The following AMBP variants were observed in gnomAD, a reference collection of about 807,000 sequenced individuals.
AMBP encodes alpha-1-microglobulin/bikunin precursor.
A neutral mutation model predicts 46.3 loss-of-function variants in AMBP; 37 were observed. The observed-to-expected ratio is 0.80, with a 90% CI of 0.61 to 1.05. AMBP has a LOEUF of 1.05. Among genes scored for constraint, AMBP ranks in the 50% least tolerant of loss-of-function variants. The pLI is 0.00. For synonymous variants in AMBP, 174 were observed against 175.9 expected (o/e 0.99, Z 0.09); for missense variants, 475 against 461.2 (o/e 1.03, Z -0.27).
intron 6 of AMBP, among the ~76,000 whole-genome samples, chr9:114,067,161 G>A (rs1003443927): frequency 2.0e-5 from 3 of 152,022 alleles, no homozygotes; most frequent in Admixed American, 6.6e-5. Flanking sequence ...GGATGGTCTC[G>A]ATCTCCTGAC....
intron 4 of AMBP, among the ~76,000 whole-genome samples, chr9:114,073,807 T>C (rs1846771942): frequency 6.6e-6 from 1 of 152,154 alleles, no homozygotes; most frequent in Non-Finnish European, 1.5e-5. Context: ...TCCCCACTGG[T>C]TCTTTTAAGG....
chr9:114,064,039 C>T (rs533295865), intron 6 of AMBP, among the ~76,000 whole-genome samples: 1 of 152,316 alleles, frequency 6.6e-6, no homozygotes, highest in Non-Finnish European at 1.5e-5. Context: ...TGGTGGCCCT[C>T]AGAGTAAGTG....
At chr9:114,076,475 T>G (rs1846808988) in intron 2 of AMBP, 123 bp downstream of exon 2, 1 of 1,400,068 alleles carries the variant, frequency 7.1e-7, no homozygotes, top group Non-Finnish European at 9.6e-7. Flanking sequence ...TAGAGGGATC[T>G]GGGGTTCAGC....
intron 5 of AMBP, 105 bp from the exon 6 acceptor site, chr9:114,069,850 G>T (rs780269187): frequency 2.5e-6 from 3 of 1,223,946 alleles, no homozygotes; most frequent in East Asian, 2.3e-5. Context: ...GGAACTTGTC[G>T]TGCCTTAGTC....
chr9:114,077,280 C>G (rs568945493), intron 1 of AMBP, among the ~76,000 whole-genome samples: 1 of 152,202 alleles, frequency 6.6e-6, no homozygotes, highest in Non-Finnish European at 1.5e-5. Flanking sequence ...ACACCCTTTG[C>G]GTCCCAGACT....
intron 2 of AMBP, among the ~76,000 whole-genome samples, chr9:114,075,932 G>A (rs1472325892): frequency 1.3e-4 from 20 of 152,160 alleles, no homozygotes; most frequent in Non-Finnish European, 2.9e-5. Flanking sequence ...AGAACTGAAA[G>A]CAGGTTCACG....
intron 1 of AMBP, 22 bp downstream of exon 1, chr9:114,078,071 C>T (rs558648772): frequency 2.4e-5 from 39 of 1,613,456 alleles, no homozygotes; most frequent in Non-Finnish European, 3.1e-5. Context: ...ATCCACCCTA[C>T]CACAGAGAGC....
intron 2 of AMBP, among the ~76,000 whole-genome samples, chr9:114,075,662 T>C (rs1472835114): frequency 6.6e-6 from 1 of 152,156 alleles, no homozygotes. Context: ...GAGCTTGCAA[T>C]TGCGTGGGTC....
At chr9:114,064,260 G>C (rs949367307) in intron 6 of AMBP, among the ~76,000 whole-genome samples, 3 of 151,996 alleles carry the variant, frequency 2.0e-5, no homozygotes, top group African/African-American at 7.3e-5. Context: ...CAATTAAGAA[G>C]GGAATCTAAA....
chr9:114,061,896 TTGA>T (rs987685280), intron 7 of AMBP, among the ~76,000 whole-genome samples: 2 of 152,076 alleles, frequency 1.3e-5, no homozygotes, highest in African/African-American at 4.8e-5. Flanking sequence ...GTAATAGTAG[TTGA>T]TGACATATGT....
At chr9:114,067,078 C>A (rs1226890872) in intron 6 of AMBP, among the ~76,000 whole-genome samples, 2 of 152,060 alleles carry the variant, frequency 1.3e-5, no homozygotes, top group African/African-American at 4.8e-5. Flanking sequence ...GTAGCTGGGA[C>A]TACAGGCCTC....
In AMBP at chr9:114,060,235, G is replaced by C. The variant is rs982035836; in HGVS notation, c.*4C>G. 39 of 1,612,836 alleles carry C rather than the reference G, an allele frequency of 2.4e-5. No individual in the cohort carries two copies. Among genetic ancestry groups the C allele is most frequent in the Non-Finnish European group, 3.1e-5 (36 of 1,179,578 alleles). ...CATCCTCTGACTTGCAGACCGGCCA[G>C]TTGTCAGTTGGAGAAGCGCAGCAGC... On this transcript the variant is annotated 3_prime_UTR_variant, in exon 10 of 10. Transcript: ENST00000265132.
intron 6 of AMBP, among the ~76,000 whole-genome samples, chr9:114,066,374 C>T (rs1373070777): frequency 3.3e-5 from 1 of 30,604 alleles, no homozygotes; most frequent in Non-Finnish European, 6.4e-5. Flanking sequence ...CATTTATGTG[C>T]ACGTGTGTGT....
chr9:114,073,037 G>A lies in AMBP; in HGVS notation c.455-11C>T, dbSNP rs757039083. On this transcript the variant is annotated splice_polypyrimidine_tract_variant and intron_variant, in intron 4 of 9. Transcript: ENST00000265132. ...GCTGCGGCGCCCGCCCTGCAAGGAG[G>A]AAGCAGAGGAGACGCCTAGAACCAC... 38 of 1,610,624 alleles carry A rather than the reference G, an allele frequency of 2.4e-5. No individual in the cohort carries two copies. Among genetic ancestry groups the A allele is most frequent in the Non-Finnish European group, 3.2e-5 (38 of 1,178,334 alleles).
intron 5 of AMBP, 102 bp from the exon 6 acceptor site, chr9:114,069,847 G>C (rs1846726535): frequency 7.9e-7 from 1 of 1,262,904 alleles, no homozygotes; most frequent in South Asian, 1.2e-5. Context: ...CTGGGAACTT[G>C]TCGTGCCTTA....
Position 114,060,911 on chromosome 9 carries a change from G to A in AMBP, c.1027+14C>T, listed in dbSNP as rs1370611508. 6.2e-7 allele frequency: 1 copy of A among 1,610,666 alleles called. No individual in the cohort carries two copies. Among genetic ancestry groups the A allele is most frequent in the Admixed American group, 1.7e-5 (1 of 59,816 alleles). On this transcript the variant is annotated intron_variant, in intron 9 of 9. Transcript: ENST00000265132. Reference sequence around the variant, plus strand: ...GCCCCTCGGCCCAGCCTGGCACCCTGCAGGGCTGCCTACCATCACCAGGGA... The same window carrying A: ...GCCCCTCGGCCCAGCCTGGCACCCTACAGGGCTGCCTACCATCACCAGGGA...
chr9:114,067,929 T>C (rs1322173579), intron 6 of AMBP, among the ~76,000 whole-genome samples: 1 of 151,750 alleles, frequency 6.6e-6, no homozygotes, highest in Non-Finnish European at 1.5e-5. Flanking sequence ...ATAATAGAAA[T>C]AAATAACTCG....
At chr9:114,074,191 T>C (rs769218610) in intron 3 of AMBP, 39 bp from the exon 4 acceptor site, 2 of 1,536,902 alleles carry the variant, frequency 1.3e-6, no homozygotes, top group East Asian at 2.2e-5. Flanking sequence ...GGATCAGTGG[T>C]CAGTAGACTC....
intron 5 of AMBP, among the ~76,000 whole-genome samples, chr9:114,070,652 G>A (rs988626991): frequency 2.0e-5 from 3 of 152,196 alleles, no homozygotes; most frequent in Non-Finnish European, 2.9e-5. Context: ...CTGGGCCTGG[G>A]GCGTGGAGCT....
Sources: gnomAD v4.1 joint callset for allele counts (sites outside exome capture counted in the v4.1 genomes callset) on GRCh38, gnomAD v4.1.1 for gene constraint, MANE v1.5 for transcripts, NCBI Gene and HGNC (gene_info 2026-07-23, HGNC 2026-07-21) for gene names.